Variants in SKIC3 observed in about 807,000 individuals in gnomAD.
SKIC3 encodes the protein SKI3 subunit of superkiller complex.
At chr5:95,542,108 T>C in the SKIC3 span, among the ~76,000 whole-genome samples, 2 of 152,294 alleles carry the variant, frequency 1.3e-5, no homozygotes, top group East Asian at 1.9e-4. Context: ...AAAGTGGATA[T>C]TGTTGAGTAT....
chr5:95,509,881 T>C, the SKIC3 span, among the ~76,000 whole-genome samples: 2 of 152,226 alleles, frequency 1.3e-5, no homozygotes, highest in African/African-American at 2.4e-5. Context: ...TGAATAATGT[T>C]TAATAGTTAT....
At chr5:95,504,621 T>A in the SKIC3 span, among the ~76,000 whole-genome samples, 2 of 149,734 alleles carry the variant, frequency 1.3e-5, no homozygotes, top group Non-Finnish European at 2.9e-5. Flanking sequence ...GTGTAAACTG[T>A]TTATCTGCAC....
At chr5:95,524,564 G>A in the SKIC3 span, 33 of 1,613,350 alleles carry the variant, frequency 2.0e-5, no homozygotes, top group East Asian at 2.2e-5. Context: ...CTGCAACTTC[G>A]GTATCTTTCT....
At chr5:95,518,203 A>G in the SKIC3 span, among the ~76,000 whole-genome samples, 20 of 152,250 alleles carry the variant, frequency 1.3e-4, no homozygotes, top group Non-Finnish European at 2.5e-4. Context: ...TGGCATAACT[A>G]TATATATTGA....
the SKIC3 span, among the ~76,000 whole-genome samples, chr5:95,468,152 T>G: frequency 6.6e-6 from 1 of 152,318 alleles, no homozygotes; most frequent in Non-Finnish European, 1.5e-5. Context: ...ATGGTTAATA[T>G]CTATTGAGTG....
chr5:95,523,683 A>G, the SKIC3 span: 2 of 1,613,680 alleles, frequency 1.2e-6, no homozygotes, highest in East Asian at 2.2e-5. Flanking sequence ...ACTTAGGTCA[A>G]CTGCTGCAGC....
the SKIC3 span, among the ~76,000 whole-genome samples, chr5:95,524,053 T>G: frequency 6.6e-6 from 1 of 152,170 alleles, no homozygotes; most frequent in Non-Finnish European, 1.5e-5. Flanking sequence ...AAATATTTTG[T>G]TTTTTGGTAA....
chr5:95,547,984 C>T, the SKIC3 span, among the ~76,000 whole-genome samples: 1 of 152,044 alleles, frequency 6.6e-6, no homozygotes, highest in Non-Finnish European at 1.5e-5. Flanking sequence ...GGGTTGTATA[C>T]TAATTTCAGC....
the SKIC3 span, chr5:95,520,697 TAATAAG>T: frequency 1.3e-6 from 2 of 1,570,226 alleles, no homozygotes; most frequent in East Asian, 4.5e-5. Context: ...AAACAATAAA[TAATAAG>T]AATAATACGA....
At chr5:95,514,330 G>T in the SKIC3 span, among the ~76,000 whole-genome samples, 1 of 152,076 alleles carries the variant, frequency 6.6e-6, no homozygotes, top group Non-Finnish European at 1.5e-5. Flanking sequence ...GTAGGTAACA[G>T]ACTCAGACTA....
the SKIC3 span, chr5:95,494,791 C>T: frequency 3.1e-6 from 5 of 1,613,472 alleles, no homozygotes; most frequent in Admixed American, 6.7e-5. Context: ...ACAGTAATGC[C>T]TTCTAAATAA....
At chr5:95,540,739 T>C in the SKIC3 span, 2 of 1,614,170 alleles carry the variant, frequency 1.2e-6, no homozygotes, top group East Asian at 2.2e-5. Flanking sequence ...AGCCAGGAAC[T>C]GAGTCAATTT....
the SKIC3 span, chr5:95,541,489 G>A: frequency 1.9e-6 from 2 of 1,060,444 alleles, no homozygotes; most frequent in Admixed American, 1.9e-5. Flanking sequence ...ATAATTTCAG[G>A]TACTATTTTA....
At chr5:95,494,836 CCT>C in the SKIC3 span, 2 of 1,607,242 alleles carry the variant, frequency 1.2e-6, no homozygotes, top group South Asian at 1.1e-5. Flanking sequence ...CTGATAGCTC[CCT>C]CTCTTTCAAA....
the SKIC3 span, among the ~76,000 whole-genome samples, chr5:95,522,517 C>CT: frequency 5.3e-5 from 8 of 151,590 alleles, no homozygotes; most frequent in Non-Finnish European, 1.0e-4. Context: ...GAATAAAATG[C>CT]TTTTTTTGAA....
the SKIC3 span, among the ~76,000 whole-genome samples, chr5:95,465,963 T>G: frequency 6.6e-6 from 1 of 152,222 alleles, no homozygotes. Context: ...AACATTCATA[T>G]ATGTTCCACC....
At chr5:95,463,960 C>G in the SKIC3 span, 1 of 152,148 alleles carries the variant, frequency 6.6e-6, no homozygotes. Flanking sequence ...ATTGCATGAT[C>G]AATTAAATAT....
chr5:95,478,334 A>G, the SKIC3 span: 15 of 1,614,002 alleles, frequency 9.3e-6, no homozygotes, highest in Non-Finnish European at 4.2e-6. Flanking sequence ...AACAGACTTG[A>G]GAGCTTCCCA....
At chr5:95,472,042 A>G in the SKIC3 span, among the ~76,000 whole-genome samples, 1 of 152,178 alleles carries the variant, frequency 6.6e-6, no homozygotes, top group African/African-American at 2.4e-5. Context: ...CCACTAATCT[A>G]GCAAATGTAT....
Sources: allele counts gnomAD v4.1 joint callset (sites outside exome capture counted in the v4.1 genomes callset), GRCh38; gene constraint gnomAD v4.1.1; transcripts MANE v1.5; gene names NCBI Gene and HGNC (gene_info 2026-07-23, HGNC 2026-07-21).